Variants in STPG2 observed in about 807,000 individuals in gnomAD.
STPG2 encodes sperm-tail PG-rich repeat-containing protein 2.
Under a neutral mutation model 54.2 loss-of-function variants are expected in STPG2, and 56 were observed. The observed-to-expected ratio is 1.03, with a 90% CI of 0.83 to 1.29. STPG2 has a LOEUF of 1.29. STPG2 is among the 50% of genes most tolerant of loss of function. The pLI, the probability that STPG2 is intolerant of heterozygous loss-of-function variation, is 0.00. For synonymous variants in STPG2, 200 were observed against 181.8 expected (o/e 1.10, Z -0.81); for missense variants, 596 against 544.9 (o/e 1.09, Z -0.93).
At chr4:97,726,813 TACACAC>T (rs746408517) in intron 9 of STPG2, among the ~76,000 whole-genome samples, 2 of 141,462 alleles carry the variant, frequency 1.4e-5, no homozygotes, top group South Asian at 2.1e-4. Flanking sequence ...AATACAAACA[TACACAC>T]ACACACACAC....
chr4:97,468,236 G>A (rs549104545), intron 4 of STPG2, among the ~76,000 whole-genome samples: 4 of 151,870 alleles, frequency 2.6e-5, no homozygotes, highest in Non-Finnish European at 4.4e-5. Flanking sequence ...TGACAAACTC[G>A]TGCATTACGT....
intron 5 of STPG2, among the ~76,000 whole-genome samples, chr4:98,043,257 G>C (rs1049237640): frequency 6.6e-6 from 1 of 151,992 alleles, no homozygotes; most frequent in Non-Finnish European, 1.5e-5. Context: ...ACAGCACGCA[G>C]TTGGATGTTG....
intron 5 of STPG2, among the ~76,000 whole-genome samples, chr4:98,042,070 G>A (rs1189874824): frequency 6.6e-6 from 1 of 151,800 alleles, no homozygotes; most frequent in Non-Finnish European, 1.5e-5. Flanking sequence ...GAAATAATAT[G>A]TTTCCAGGAA....
intron 9 of STPG2, among the ~76,000 whole-genome samples, chr4:97,771,608 T>C (rs938620017): frequency 2.0e-5 from 3 of 152,172 alleles, no homozygotes; most frequent in African/African-American, 7.2e-5. Flanking sequence ...GGGTTTCCGA[T>C]GCAGGAGAGG....
At chr4:97,824,570 A>G (rs956911819) in intron 9 of STPG2, among the ~76,000 whole-genome samples, 1 of 152,176 alleles carries the variant, frequency 6.6e-6, no homozygotes, top group Non-Finnish European at 1.5e-5. Context: ...CCTCTGTTCA[A>G]GACAGCACAG....
At chr4:98,026,372 G>A (rs960103686) in intron 5 of STPG2, 39 of 438,350 alleles carry the variant, frequency 8.9e-5, no homozygotes, top group African/African-American at 2.0e-4. Flanking sequence ...CCTCTGCCTC[G>A]ACATTTATCC....
intron 10 of STPG2, among the ~76,000 whole-genome samples, chr4:97,613,735 C>T (rs191273818): frequency 1.1e-3 from 172 of 151,994 alleles, no homozygotes; most frequent in Non-Finnish European, 2.0e-3. Flanking sequence ...AAAATATAAT[C>T]TATATTATTA....
intron 4 of STPG2, among the ~76,000 whole-genome samples, chr4:97,481,446 C>A (rs1361995966): frequency 6.6e-6 from 1 of 151,474 alleles, no homozygotes; most frequent in African/African-American, 2.4e-5. Context: ...ATCTGTAGAT[C>A]AATTTGGAGA....
chr4:97,672,560 T>C (rs1722734005), intron 10 of STPG2, among the ~76,000 whole-genome samples: 1 of 152,156 alleles, frequency 6.6e-6, no homozygotes, highest in African/African-American at 2.4e-5. Context: ...AGCTATTTAT[T>C]AACAAAAACC....
chr4:97,670,328 A>G (rs1410143317), intron 10 of STPG2, among the ~76,000 whole-genome samples: 2 of 152,208 alleles, frequency 1.3e-5, no homozygotes, highest in Non-Finnish European at 2.9e-5. Context: ...TATATTTCCT[A>G]GCAGTTCCAA....
chr4:97,442,588 G>T (rs994902212), intron 4 of STPG2, among the ~76,000 whole-genome samples: 11 of 152,082 alleles, frequency 7.2e-5, no homozygotes, highest in African/African-American at 2.7e-4. Context: ...GGGTCTTTGT[G>T]TCCATCTGTA....
intron 8 of STPG2, among the ~76,000 whole-genome samples, chr4:97,895,542 CT>C (rs1006575082): frequency 3.3e-5 from 5 of 151,530 alleles, no homozygotes; most frequent in Admixed American, 6.6e-5. Context: ...GCATGATTCC[CT>C]TTTTTTTCCA....
At chr4:97,903,743 A>C (rs7698895) in intron 8 of STPG2, among the ~76,000 whole-genome samples, 151,125 of 152,298 alleles carry the variant, frequency 0.99, 74,987 homozygotes, top group East Asian at 1. Flanking sequence ...TGGGTGCGCA[A>C]ACTGTGCAGG....
chr4:98,080,259 T>C (rs1738302049), intron 5 of STPG2, among the ~76,000 whole-genome samples: 1 of 152,174 alleles, frequency 6.6e-6, no homozygotes, highest in African/African-American at 2.4e-5. Flanking sequence ...AATTTTACTT[T>C]ATTTACCTTT....
At chr4:98,094,650 C>A (rs746080375) in intron 5 of STPG2, among the ~76,000 whole-genome samples, 5 of 152,150 alleles carry the variant, frequency 3.3e-5, no homozygotes, top group Non-Finnish European at 7.4e-5. Context: ...GCATTCATCA[C>A]AAACTGACAG....
intron 8 of STPG2, among the ~76,000 whole-genome samples, chr4:97,892,225 C>G (rs186513215): frequency 1.3e-5 from 2 of 152,232 alleles, no homozygotes; most frequent in East Asian, 3.9e-4. Flanking sequence ...GCAAGTTACT[C>G]TTAGAACAAT....
chr4:98,085,626 T>C (rs529939151), intron 5 of STPG2, among the ~76,000 whole-genome samples: 7 of 152,242 alleles, frequency 4.6e-5, no homozygotes, highest in East Asian at 1.9e-4. Context: ...AATGTATTCC[T>C]AAGTATTTTA....
Position 98,045,991 on chromosome 4 carries a change from C to T in STPG2, c.612+59962G>A, listed in dbSNP as rs62318551. Among the ~76,000 whole-genome samples the T allele has an allele frequency of 3.5e-3, 229 of 65,196 alleles. 1 individual carries two copies. Among genetic ancestry groups the T allele is most frequent in the South Asian group, 0.01 (20 of 1,968 alleles). The allele number at this position is 65,196 out of a possible 152,430, so 42.8% of individuals were successfully genotyped here. ...CCTTCTTTAATTCAAATAATGTATA[C>T]ATTGTTCTGCTGAGTGGTATCCATA... On this transcript the variant is annotated intron_variant, in intron 5 of 10. Transcript: ENST00000295268.
At chr4:97,953,591 G>A (rs1011622481) in intron 7 of STPG2, among the ~76,000 whole-genome samples, 5 of 152,154 alleles carry the variant, frequency 3.3e-5, no homozygotes, top group African/African-American at 1.2e-4. Flanking sequence ...GTTCACACTG[G>A]AGACCAAAAA....
Sources: gnomAD v4.1 joint callset for allele counts (sites outside exome capture counted in the v4.1 genomes callset) on GRCh38, gnomAD v4.1.1 for gene constraint, MANE v1.5 for transcripts, NCBI Gene and HGNC (gene_info 2026-07-23, HGNC 2026-07-21) for gene names.